PDE8A: variants seen among roughly 807,000 people sequenced by gnomAD.
The protein encoded by PDE8A is phosphodiesterase 8A.
PDE8A carries 59 observed loss-of-function variants against 105.0 expected under a neutral mutation model. The observed-to-expected ratio is 0.56, with a 90% CI of 0.46 to 0.70. The LOEUF (loss-of-function observed/expected upper bound fraction) is 0.70. PDE8A is among the 30% of genes least tolerant of loss of function. The pLI is 0.00. For synonymous variants in PDE8A, 355 were observed against 371.9 expected (o/e 0.95, Z 0.52); for missense variants, 1,014 against 1,045.9 (o/e 0.97, Z 0.42).
chr15:84,996,281 G>A (rs780252618), intron 1 of PDE8A, among the ~76,000 whole-genome samples: 8 of 151,936 alleles, frequency 5.3e-5, no homozygotes, highest in Non-Finnish European at 1.0e-4. Context: ...GGACTCAAGT[G>A]ATCCTCCCAC....
intron 20 of PDE8A, among the ~76,000 whole-genome samples, chr15:85,131,064 G>C (rs769463479): frequency 1.4e-4 from 21 of 152,106 alleles, no homozygotes; most frequent in Non-Finnish European, 2.6e-4. Context: ...GCCTGTAACA[G>C]TTTTTGACAT....
At chr15:85,111,637 G>A (rs2082022367) in intron 12 of PDE8A, among the ~76,000 whole-genome samples, 1 of 152,184 alleles carries the variant, frequency 6.6e-6, no homozygotes, top group East Asian at 1.9e-4. Context: ...GTAGGTAGCT[G>A]TTCTTCTTCA....
At chr15:85,019,873 T>A (rs936165076) in intron 1 of PDE8A, among the ~76,000 whole-genome samples, 2 of 151,592 alleles carry the variant, frequency 1.3e-5, no homozygotes, top group Admixed American at 6.6e-5. Flanking sequence ...TGAGCCACTA[T>A]GCGTGGCCAG....
chr15:85,080,788 C>T (rs891627048), intron 5 of PDE8A, among the ~76,000 whole-genome samples: 1 of 152,186 alleles, frequency 6.6e-6, no homozygotes, highest in African/African-American at 2.4e-5. Context: ...CTGCCTCAAG[C>T]CTGCACACCT....
intron 1 of PDE8A, among the ~76,000 whole-genome samples, chr15:85,056,666 A>T (rs1447244188): frequency 6.6e-6 from 1 of 152,134 alleles, no homozygotes. Context: ...CCATCAGGTC[A>T]TTTAAGGTAT....
intron 1 of PDE8A, among the ~76,000 whole-genome samples, chr15:85,061,087 GT>G (rs2081136822): frequency 6.6e-6 from 1 of 151,994 alleles, no homozygotes; most frequent in African/African-American, 2.4e-5. Flanking sequence ...TTTGAATGAA[GT>G]TTTGCCAAAT....
intron 1 of PDE8A, among the ~76,000 whole-genome samples, chr15:85,003,744 C>T (rs764922478): frequency 2.6e-5 from 4 of 152,286 alleles, no homozygotes; most frequent in African/African-American, 7.2e-5. Context: ...TCCCAGTTGA[C>T]GTTCTCCCTT....
At chr15:85,078,237 A>G (rs2081408496) in intron 5 of PDE8A, among the ~76,000 whole-genome samples, 1 of 124,072 alleles carries the variant, frequency 8.1e-6, no homozygotes, top group Non-Finnish European at 1.6e-5. Flanking sequence ...CTAGCTTCTC[A>G]GCAGCAACAA....
chr15:84,987,562 C>T (rs545485941), intron 1 of PDE8A, among the ~76,000 whole-genome samples: 1 of 151,528 alleles, frequency 6.6e-6, no homozygotes, highest in South Asian at 2.1e-4. Context: ...ACCTCCGCCT[C>T]CCGGGTCGAA....
chr15:85,066,931 T>C, intron 2 of PDE8A, 83 bp from the exon 3 acceptor site: 4 of 1,048,278 alleles, frequency 3.8e-6, no homozygotes, highest in Non-Finnish European at 5.7e-6. Flanking sequence ...AGAGCAAGAC[T>C]CTGTCTCAAG....
At chr15:84,996,332 C>A (rs1321420205) in intron 1 of PDE8A, among the ~76,000 whole-genome samples, 2 of 152,002 alleles carry the variant, frequency 1.3e-5, no homozygotes, top group Non-Finnish European at 2.9e-5. Context: ...TGTATGCCAC[C>A]ATGCCTGGCC....
At chr15:85,123,916 T>TG in intron 19 of PDE8A, among the ~76,000 whole-genome samples, 1 of 152,362 alleles carries the variant, frequency 6.6e-6, no homozygotes, top group South Asian at 2.1e-4. Flanking sequence ...AGACTATTCC[T>TG]GCACCCTTCC....
At chr15:85,133,596 A>G (rs1329873749) in intron 20 of PDE8A, among the ~76,000 whole-genome samples, 1 of 152,116 alleles carries the variant, frequency 6.6e-6, no homozygotes, top group Non-Finnish European at 1.5e-5. Context: ...TGTTTTCCAG[A>G]GTTCCTGTAA....
intron 3 of PDE8A, among the ~76,000 whole-genome samples, chr15:85,075,117 CTA>C (rs1206448054): frequency 1.3e-5 from 2 of 152,190 alleles, no homozygotes; most frequent in African/African-American, 4.8e-5. Flanking sequence ...TTCTTTTACT[CTA>C]TGTCACATTT....
chr15:85,101,925 C>T (rs1216586254), intron 11 of PDE8A, among the ~76,000 whole-genome samples: 2 of 152,158 alleles, frequency 1.3e-5, no homozygotes, highest in East Asian at 1.9e-4. Flanking sequence ...TTTGTTTGTT[C>T]ACCCCTTTGC....
In PDE8A at chr15:85,011,694, A is replaced by C. The variant is rs935362633; in HGVS notation, c.186+29346A>C. The stretch of plus-strand genomic sequence containing the variant: ...TGGCAACAAAAGCCAAAATTGACAC[A>C]TGGGATCTAATTAAACTAAAGAGCT... On this transcript the variant is annotated intron_variant, in intron 1 of 21. Transcript: ENST00000394553. Among the ~76,000 whole-genome samples, 3 of 152,224 alleles carry C rather than the reference A, an allele frequency of 2.0e-5. No individual in the cohort carries two copies. In the South Asian group the frequency reaches 6.2e-4, roughly 32 times the overall value.
chr15:85,000,225 G>T (rs1488757422), intron 1 of PDE8A, among the ~76,000 whole-genome samples: 2 of 152,100 alleles, frequency 1.3e-5, no homozygotes, highest in Admixed American at 6.5e-5. Flanking sequence ...GTTTTTCTTT[G>T]CCTATTAACC....
At chr15:85,114,087 G>T (rs746688257) in intron 14 of PDE8A, 50 bp downstream of exon 14, 7 of 1,519,640 alleles carry the variant, frequency 4.6e-6, no homozygotes, top group Middle Eastern at 3.4e-4. Context: ...GTTCTTGGTT[G>T]TTTTCTCAGA....
At chr15:85,134,286 C>T (rs914743818) in intron 20 of PDE8A, among the ~76,000 whole-genome samples, 3 of 152,228 alleles carry the variant, frequency 2.0e-5, no homozygotes, top group African/African-American at 4.8e-5. Context: ...TTTGCCATGG[C>T]TGCCCAGAGA....
Sources: gnomAD v4.1 joint callset for allele counts (sites outside exome capture counted in the v4.1 genomes callset) on GRCh38, gnomAD v4.1.1 for gene constraint, MANE v1.5 for transcripts, NCBI Gene and HGNC (gene_info 2026-07-23, HGNC 2026-07-21) for gene names.